CLASP1: variants seen among roughly 807,000 people sequenced by gnomAD.
CLASP1 encodes cytoplasmic linker associated protein 1.
In CLASP1, 38 loss-of-function variants were observed where a neutral mutation model predicts 192.3. That is an observed-to-expected ratio of 0.20 (90% CI 0.15 to 0.26). CLASP1 has a LOEUF of 0.26. Ranked by LOEUF, CLASP1 falls within the 10% of genes least tolerant of loss-of-function variation. The pLI is 1.00. For missense variants in CLASP1, 1,433 were observed against 1,932.5 expected, an observed-to-expected ratio of 0.74 and a Z score of 4.85; for synonymous variants, 691 against 712.8, an observed-to-expected ratio of 0.97 and a Z score of 0.49.
intron 33 of CLASP1, among the ~76,000 whole-genome samples, chr2:121,380,274 TGAGAA>T (rs886278969): frequency 5.9e-5 from 9 of 152,184 alleles, no homozygotes; most frequent in African/African-American, 1.9e-4. Context: ...AGAAGCTGAC[TGAGAA>T]GAGACCTGGG....
chr2:121,479,692 T>G (rs773336208), intron 8 of CLASP1, among the ~76,000 whole-genome samples: 4 of 152,182 alleles, frequency 2.6e-5, no homozygotes, highest in Non-Finnish European at 4.4e-5. Flanking sequence ...CATCAAAGTA[T>G]GGGAACTGGG....
intron 1 of CLASP1, among the ~76,000 whole-genome samples, chr2:121,626,054 G>A (rs2068299172): frequency 6.6e-6 from 1 of 151,230 alleles, no homozygotes; most frequent in South Asian, 2.1e-4. Context: ...GAGCTGAGAT[G>A]GCACCACTGC....
chr2:121,447,390 G>A (rs758253235), exon 19 of CLASP1: 9 of 1,582,914 alleles, frequency 5.7e-6, no homozygotes, highest in South Asian at 4.7e-5. Context: ...GAAAGGCGTC[G>A]TGCCCGAAGA....
At chr2:121,376,710 C>A (rs1358722417) in intron 34 of CLASP1, among the ~76,000 whole-genome samples, 2 of 152,194 alleles carry the variant, frequency 1.3e-5, no homozygotes, top group Non-Finnish European at 2.9e-5. Context: ...GTGAGTGAAG[C>A]TTCATCTTAT....
intron 19 of CLASP1, among the ~76,000 whole-genome samples, chr2:121,446,361 G>T (rs1337644131): frequency 6.6e-6 from 1 of 152,136 alleles, no homozygotes; most frequent in Non-Finnish European, 1.5e-5. Context: ...CCTACTCCAG[G>T]TCACAGAGCG....
chr2:121,402,333 G>C (rs1272481228), intron 26 of CLASP1, among the ~76,000 whole-genome samples: 1 of 152,054 alleles, frequency 6.6e-6, no homozygotes, highest in Non-Finnish European at 1.5e-5. Flanking sequence ...TTTTTGCTAA[G>C]GCAAAATAGA....
exon 2 of CLASP1, chr2:121,605,969 G>C: frequency 7.1e-7 from 1 of 1,401,432 alleles, no homozygotes; most frequent in Non-Finnish European, 9.8e-7. Flanking sequence ...GACGTATCTG[G>C]GAGGTTGCCT....
At chr2:121,360,668 G>A (rs1481201304) in intron 37 of CLASP1, among the ~76,000 whole-genome samples, 2 of 151,670 alleles carry the variant, frequency 1.3e-5, no homozygotes, top group African/African-American at 4.8e-5. Context: ...AGGTTCTTGA[G>A]TTATTATAGT....
At chr2:121,595,727 G>A (rs1288682812) in intron 2 of CLASP1, among the ~76,000 whole-genome samples, 1 of 152,180 alleles carries the variant, frequency 6.6e-6, no homozygotes, top group Non-Finnish European at 1.5e-5. Flanking sequence ...CTTATTACAA[G>A]AGACCCAAGG....
At chr2:121,583,172 G>T (rs568670627) in intron 2 of CLASP1, among the ~76,000 whole-genome samples, 17 of 152,228 alleles carry the variant, frequency 1.1e-4, no homozygotes, top group Admixed American at 7.8e-4. Context: ...AGCATCTGCT[G>T]AACTTTTTCT....
intron 2 of CLASP1, among the ~76,000 whole-genome samples, chr2:121,534,839 C>T (rs999969398): frequency 3.9e-5 from 6 of 152,114 alleles, no homozygotes; most frequent in African/African-American, 1.4e-4. Context: ...ATTCCTGTAA[C>T]AATTTTTCAA....
chr2:121,478,992 C>CCACACACACACCA (rs1174942601), intron 8 of CLASP1, among the ~76,000 whole-genome samples: 1,400 of 63,340 alleles, frequency 0.022, 59 homozygotes, highest in African/African-American at 0.045. Context: ...ACCACACACC[C>CCACACACACACCA]CACACACACA....
rs546923039 is a variant in CLASP1, at chr2:121,435,821, C to T, written c.1913-5644G>A. 2.6e-5 allele frequency among the ~76,000 whole-genome samples: 4 copies of T among 152,208 alleles called. No homozygotes were observed. The East Asian group carries it at 7.7e-4, about 29-fold the overall frequency. On this transcript the variant is annotated intron_variant, in intron 19 of 39. Transcript: ENST00000263710. The stretch of plus-strand genomic sequence containing the variant: ...TATGCAGTTTTAAGTTTTAAGATTC[C>T]TGTGTGTTCTTTATGCAGTTTCTCT...
chr2:121,604,686 A>C (rs578170073), intron 2 of CLASP1, among the ~76,000 whole-genome samples: 1 of 152,348 alleles, frequency 6.6e-6, no homozygotes, highest in East Asian at 1.9e-4. Flanking sequence ...ATATACGAAG[A>C]CAGGTAGGAT....
chr2:121,560,901 ATTTTTGTTT>A (rs1200520762), intron 2 of CLASP1, among the ~76,000 whole-genome samples: 1 of 151,962 alleles, frequency 6.6e-6, no homozygotes, highest in Non-Finnish European at 1.5e-5. Context: ...CAACTGGCTA[ATTTTTGTTT>A]TTTTTGTTTG....
At chr2:121,395,105 A>C (rs1192951957) in intron 30 of CLASP1, among the ~76,000 whole-genome samples, 3 of 152,074 alleles carry the variant, frequency 2.0e-5, no homozygotes, top group Non-Finnish European at 4.4e-5. Flanking sequence ...AAGAGACTGA[A>C]ATCTGCCAAG....
chr2:121,521,668 C>T (rs1203932955), intron 6 of CLASP1, among the ~76,000 whole-genome samples: 1 of 152,172 alleles, frequency 6.6e-6, no homozygotes, highest in Non-Finnish European at 1.5e-5. Context: ...TGCATTCGGA[C>T]CACCAAGGAA....
chr2:121,457,959 T>C (rs555312565), intron 13 of CLASP1, among the ~76,000 whole-genome samples: 4 of 152,322 alleles, frequency 2.6e-5, no homozygotes, highest in Admixed American at 1.3e-4. Flanking sequence ...ACAGGCAACA[T>C]GATGACATGA....
At chr2:121,408,451 G>A (rs572344737) in intron 24 of CLASP1, among the ~76,000 whole-genome samples, 2 of 152,222 alleles carry the variant, frequency 1.3e-5, no homozygotes, top group Non-Finnish European at 2.9e-5. Context: ...ATACAAAACT[G>A]TTATACCCAC....
Sources: gnomAD v4.1 joint callset for allele counts (sites outside exome capture counted in the v4.1 genomes callset) on GRCh38, gnomAD v4.1.1 for gene constraint, MANE v1.5 for transcripts, NCBI Gene and HGNC (gene_info 2026-07-23, HGNC 2026-07-21) for gene names.